The following PCDH15 variants were observed in gnomAD, a reference collection of about 807,000 sequenced individuals.
The protein encoded by PCDH15 is protocadherin-15.
A neutral mutation model predicts 178.5 loss-of-function variants in PCDH15; 129 were observed. The ratio of observed to expected loss-of-function variants is 0.72; its 90% CI spans 0.63 to 0.84. PCDH15 has a LOEUF of 0.84. PCDH15 is among the 40% of genes least tolerant of loss of function. The probability of loss-of-function intolerance (pLI) is 0.00; values close to 1 mark genes in which losing one functional copy is unlikely to be tolerated. For missense variants in PCDH15, 2,230 were observed against 2,099.9 expected (o/e 1.06, Z -1.21); for synonymous variants, 800 against 732.0 (o/e 1.09, Z -1.50).
intron 1 of PCDH15, among the ~76,000 whole-genome samples, chr10:55,245,949 G>T (rs1328141209): frequency 6.6e-6 from 1 of 152,280 alleles, no homozygotes; most frequent in South Asian, 2.1e-4. Flanking sequence ...CTGACTTAGG[G>T]CAGATGTGCA....
intron 2 of PCDH15, among the ~76,000 whole-genome samples, chr10:54,936,234 T>A (rs1837904219): frequency 6.6e-6 from 1 of 152,090 alleles, no homozygotes; most frequent in African/African-American, 2.4e-5. Flanking sequence ...TATTGCCATA[T>A]TAAATTTCAT....
intron 1 of PCDH15, among the ~76,000 whole-genome samples, chr10:55,195,562 A>T (rs1388805232): frequency 6.6e-6 from 1 of 150,646 alleles, no homozygotes; most frequent in Non-Finnish European, 1.5e-5. Flanking sequence ...AGGCTGAGGC[A>T]GAGAATTTCT....
At chr10:55,595,953 G>C (rs960019058) in intron 2 of PCDH15, among the ~76,000 whole-genome samples, 2 of 152,036 alleles carry the variant, frequency 1.3e-5, no homozygotes, top group African/African-American at 4.8e-5. Context: ...ACTGCTTAAA[G>C]ATTAGGTTGA....
chr10:54,974,633 A>T (rs1471812852), intron 2 of PCDH15, among the ~76,000 whole-genome samples: 1 of 152,064 alleles, frequency 6.6e-6, no homozygotes, highest in Non-Finnish European at 1.5e-5. Context: ...CTTCTTAATG[A>T]AATGATTCTT....
chr10:54,406,565 G>A (rs1480365581), intron 3 of PCDH15, among the ~76,000 whole-genome samples: 1 of 151,968 alleles, frequency 6.6e-6, no homozygotes, highest in Non-Finnish European at 1.5e-5. Flanking sequence ...CATAAAAACA[G>A]CCCAGGAGTC....
At chr10:54,046,502 G>A (rs1659953351) in intron 18 of PCDH15, among the ~76,000 whole-genome samples, 1 of 152,070 alleles carries the variant, frequency 6.6e-6, no homozygotes, top group Admixed American at 6.6e-5. Context: ...AAATATGAAT[G>A]AAAGAAGACA....
At chr10:55,462,262 T>C (rs1839696296) in intron 2 of PCDH15, among the ~76,000 whole-genome samples, 1 of 152,172 alleles carries the variant, frequency 6.6e-6, no homozygotes, top group Non-Finnish European at 1.5e-5. Flanking sequence ...AAACTTGGGT[T>C]ACAAATCACA....
chr10:54,166,679 C>G (rs1036740716), intron 13 of PCDH15, among the ~76,000 whole-genome samples: 2 of 152,156 alleles, frequency 1.3e-5, no homozygotes, highest in African/African-American at 4.8e-5. Flanking sequence ...TTATAACTGT[C>G]AGGCCTCTGA....
intron 5 of PCDH15, among the ~76,000 whole-genome samples, chr10:54,365,135 C>A (rs1192876865): frequency 6.6e-6 from 1 of 152,106 alleles, no homozygotes; most frequent in Admixed American, 6.6e-5. Context: ...CTATTAACTT[C>A]CATAACCTTA....
At chr10:54,546,959 T>C (rs2085930941) in intron 2 of PCDH15, among the ~76,000 whole-genome samples, 1 of 152,196 alleles carries the variant, frequency 6.6e-6, no homozygotes, top group African/African-American at 2.4e-5. Context: ...TAGAGTCTTC[T>C]GCTCCATGAA....
chr10:54,117,572 T>C (rs2095138057), intron 15 of PCDH15, among the ~76,000 whole-genome samples: 1 of 152,152 alleles, frequency 6.6e-6, no homozygotes, highest in South Asian at 2.1e-4. Flanking sequence ...GTTTTTTTCC[T>C]ACATCTAGGA....
At chr10:55,473,428 A>C (rs568745493) in intron 2 of PCDH15, among the ~76,000 whole-genome samples, 1 of 152,290 alleles carries the variant, frequency 6.6e-6, no homozygotes, top group South Asian at 2.1e-4. Context: ...TTTTACCTTG[A>C]AGGAAAAGTT....
At chr10:54,561,165 C>T (rs891660929) in intron 2 of PCDH15, among the ~76,000 whole-genome samples, 4 of 151,962 alleles carry the variant, frequency 2.6e-5, no homozygotes, top group Non-Finnish European at 5.9e-5. Context: ...TTTCAACATG[C>T]CTGTTACGAC....
At chr10:53,920,615 A>G (rs16937831) in intron 25 of PCDH15, among the ~76,000 whole-genome samples, 2,983 of 152,264 alleles carry the variant, frequency 0.02, 41 homozygotes, top group Non-Finnish European at 0.03. Flanking sequence ...CAGAAGTCAT[A>G]AAGCATACGT....
chr10:54,832,730 C>T (rs895388702), intron 3 of PCDH15, among the ~76,000 whole-genome samples: 95 of 152,180 alleles, frequency 6.2e-4, no homozygotes, highest in African/African-American at 2.2e-3. Context: ...AAATGAGGAC[C>T]CTTTTATTAC....
intron 8 of PCDH15, among the ~76,000 whole-genome samples, chr10:54,280,976 TTTG>T (rs2058668637): frequency 6.6e-6 from 1 of 151,882 alleles, no homozygotes; most frequent in African/African-American, 2.4e-5. Context: ...ACAAAGGCAG[TTTG>T]TTTTCTAACT....
chr10:55,259,666 G>C (rs1842097302), intron 1 of PCDH15, among the ~76,000 whole-genome samples: 1 of 152,058 alleles, frequency 6.6e-6, no homozygotes, highest in Non-Finnish European at 1.5e-5. Flanking sequence ...AGCACTTTGG[G>C]AGGCTGAGGT....
chr10:54,987,731 T>C (rs576480389), intron 2 of PCDH15, among the ~76,000 whole-genome samples: 16 of 152,146 alleles, frequency 1.1e-4, no homozygotes, highest in African/African-American at 3.9e-4. Flanking sequence ...TGTACATTTT[T>C]TTAAGTTCCT....
intron 2 of PCDH15, among the ~76,000 whole-genome samples, chr10:55,127,267 A>T (rs2132073422): frequency 6.6e-6 from 1 of 152,222 alleles, no homozygotes; most frequent in African/African-American, 2.4e-5. Context: ...GGCTCAGATT[A>T]ACCACTACTT....
Sources: allele counts gnomAD v4.1 joint callset (sites outside exome capture counted in the v4.1 genomes callset), GRCh38; gene constraint gnomAD v4.1.1; transcripts MANE v1.5; gene names NCBI Gene and HGNC (gene_info 2026-07-23, HGNC 2026-07-21).